Variants in DENND5B observed in about 807,000 individuals in gnomAD.
The protein encoded by DENND5B is DENN domain-containing protein 5B.
In DENND5B, 34 loss-of-function variants were observed where a neutral mutation model predicts 140.6. The ratio of observed to expected loss-of-function variants is 0.24; its 90% CI spans 0.18 to 0.32. The LOEUF is 0.32. DENND5B is among the 10% of genes least tolerant of loss of function. DENND5B has a pLI of 1.00. For synonymous variants in DENND5B, 551 were observed against 562.1 expected, an observed-to-expected ratio of 0.98 and a Z score of 0.28; for missense variants, 1,142 against 1,560.2, an observed-to-expected ratio of 0.73 and a Z score of 4.52.
intron 3 of DENND5B, among the ~76,000 whole-genome samples, chr12:31,464,241 A>G (rs1181355316): frequency 6.6e-6 from 1 of 152,118 alleles, no homozygotes; most frequent in African/African-American, 2.4e-5. Flanking sequence ...CAGTAAGACC[A>G]CTTGCTTGCA....
intron 18 of DENND5B, 107 bp downstream of exon 18, chr12:31,392,507 C>T: frequency 6.5e-7 from 1 of 1,538,040 alleles, no homozygotes; most frequent in Admixed American, 2.1e-5. Flanking sequence ...TTACAGCTAC[C>T]AGAAAGCTTA....
intron 5 of DENND5B, among the ~76,000 whole-genome samples, chr12:31,449,651 AGAAG>A (rs983462058): frequency 2.6e-5 from 4 of 152,124 alleles, no homozygotes; most frequent in Non-Finnish European, 4.4e-5. Context: ...ATAAAGATTA[AGAAG>A]GAAGGAAGTA....
chr12:31,531,401 T>C (rs957723200), intron 1 of DENND5B, among the ~76,000 whole-genome samples: 1 of 152,206 alleles, frequency 6.6e-6, no homozygotes, highest in Non-Finnish European at 1.5e-5. Flanking sequence ...TGTTTCGCCA[T>C]GTTGGCCAGG....
At chr12:31,437,675 A>C (rs1215440579) in intron 7 of DENND5B, among the ~76,000 whole-genome samples, 1 of 152,208 alleles carries the variant, frequency 6.6e-6, no homozygotes, top group Non-Finnish European at 1.5e-5. Flanking sequence ...TACAACCAAC[A>C]GTAGAATCAA....
At chr12:31,494,127 ATCTC>A (rs1318141177) in intron 2 of DENND5B, among the ~76,000 whole-genome samples, 3 of 151,268 alleles carry the variant, frequency 2.0e-5, no homozygotes, top group Non-Finnish European at 2.9e-5. Flanking sequence ...AAGGTTGACT[ATCTC>A]TCTATCTTCT....
In DENND5B at chr12:31,408,368, T is replaced by C. The variant is rs545021777; in HGVS notation, c.2803+895A>G. ...CAGGTCCAGCGTGGTGGCTCATGCC[T>C]GTAATCCCAGCACTTTGGGAGGCTG... On this transcript the variant is annotated intron_variant, in intron 14 of 20. Transcript: ENST00000389082. 4.6e-5 allele frequency among the ~76,000 whole-genome samples: 7 copies of C among 151,848 alleles called. No individual in the cohort carries two copies. In the East Asian group the frequency reaches 1.4e-3, roughly 29 times the overall value.
chr12:31,470,703 A>G (rs1591856421), intron 3 of DENND5B, among the ~76,000 whole-genome samples: 1 of 152,372 alleles, frequency 6.6e-6, no homozygotes, highest in East Asian at 1.9e-4. Flanking sequence ...ACATTCAGTT[A>G]GGAATGAATT....
intron 1 of DENND5B, among the ~76,000 whole-genome samples, chr12:31,556,727 G>A (rs935168228): frequency 6.6e-6 from 1 of 152,156 alleles, no homozygotes; most frequent in Non-Finnish European, 1.5e-5. Flanking sequence ...GTGATTCTAG[G>A]TCTTTCAGTC....
In DENND5B at chr12:31,452,181, C is replaced by T. The variant is rs572676277; in HGVS notation, c.1388G>A (p.Arg463His). Residue 463 changes from arginine (R) to histidine (H), a missense_variant, in exon 5 of 21, where the codon CGT becomes CAT. Coordinates refer to ENST00000389082, the MANE Select transcript of DENND5B (RefSeq NM_144973.4). ...TIARLQALAK[R>H]TGVAVEKMDL... ...CATTTTTTCCACAGCCACACCAGTA[C>T]GCTTGGCCAGAGCCTGCAAGCGGGC... 1.9e-5 allele frequency: 30 copies of T among 1,613,974 alleles called. No homozygotes were observed. Among genetic ancestry groups the T allele is most frequent in the Middle Eastern group, 1.6e-4 (1 of 6,062 alleles).
chr12:31,548,978 C>T (rs1484685462), intron 1 of DENND5B, among the ~76,000 whole-genome samples: 1 of 152,128 alleles, frequency 6.6e-6, no homozygotes, highest in Non-Finnish European at 1.5e-5. Flanking sequence ...TCACAGCAGC[C>T]TTGAACCCCT....
rs1010177170 is a variant in DENND5B, at chr12:31,433,261, A to C, written c.2013-13T>G. The C allele has an allele frequency of 6.2e-7, 1 of 1,605,802 alleles. No individual in the cohort carries two copies. The highest frequency in any genetic ancestry group is 1.3e-5 in the African/African-American group (1 of 74,678). On this transcript the variant is annotated splice_polypyrimidine_tract_variant and intron_variant, in intron 7 of 20. Transcript: ENST00000389082. ...ACTTACCCAGCGACTGAAACAATCA[A>C]ATTATTTAAAAATGTGTTCCTTATC...
chr12:31,490,172 C>T (rs1272657746), intron 2 of DENND5B, among the ~76,000 whole-genome samples: 1 of 147,912 alleles, frequency 6.8e-6, no homozygotes, highest in African/African-American at 2.5e-5. Context: ...ATAATGAATT[C>T]AGTTTTGGAT....
At chr12:31,449,358 C>T (rs891388426) in intron 5 of DENND5B, among the ~76,000 whole-genome samples, 2 of 152,150 alleles carry the variant, frequency 1.3e-5, no homozygotes, top group Non-Finnish European at 2.9e-5. Context: ...CAGAAAGATT[C>T]ACAGTAGTCT....
At chr12:31,569,467 CTTACA>C (rs1949742249) in intron 1 of DENND5B, among the ~76,000 whole-genome samples, 1 of 152,112 alleles carries the variant, frequency 6.6e-6, no homozygotes, top group Admixed American at 6.6e-5. Flanking sequence ...AATTTGCCCC[CTTACA>C]TTATTTTGTG....
At chr12:31,472,084 T>C (rs1314815593) in intron 3 of DENND5B, among the ~76,000 whole-genome samples, 1 of 152,152 alleles carries the variant, frequency 6.6e-6, no homozygotes, top group East Asian at 1.9e-4. Context: ...TTAGGGAGGC[T>C]CCTTTTATGT....
intron 1 of DENND5B, among the ~76,000 whole-genome samples, chr12:31,574,184 G>C (rs555735631): frequency 1.3e-5 from 2 of 151,144 alleles, no homozygotes; most frequent in South Asian, 2.1e-4. Context: ...AACCACTTGA[G>C]CCCGGGAGAT....
chr12:31,585,918 C>G (rs1056248052), intron 1 of DENND5B, among the ~76,000 whole-genome samples: 1 of 152,200 alleles, frequency 6.6e-6, no homozygotes, highest in African/African-American at 2.4e-5. Context: ...ACCAAGGGAA[C>G]ACTTTAAGAA....
chr12:31,585,998 C>T (rs1196283055), intron 1 of DENND5B, among the ~76,000 whole-genome samples: 1 of 152,164 alleles, frequency 6.6e-6, no homozygotes, highest in Non-Finnish European at 1.5e-5. Context: ...ACACTGTGTA[C>T]TGTATATAAG....
chr12:31,535,086 A>G, intron 1 of DENND5B: 1 of 306,848 alleles, frequency 3.3e-6, no homozygotes, highest in Admixed American at 4.5e-5. Flanking sequence ...AAAAAAAAAA[A>G]AAAAAAAAAA....
Sources: gnomAD v4.1 joint callset for allele counts (sites outside exome capture counted in the v4.1 genomes callset) on GRCh38, gnomAD v4.1.1 for gene constraint, MANE v1.5 for transcripts, NCBI Gene and HGNC (gene_info 2026-07-23, HGNC 2026-07-21) for gene names.